Variants in ADAM10 observed in about 807,000 individuals in gnomAD.
ADAM10 encodes the protein ADAM metallopeptidase domain 10.
A neutral mutation model predicts 90.1 loss-of-function variants in ADAM10; 17 were observed. That is an observed-to-expected ratio of 0.19 (90% confidence interval 0.13 to 0.28). ADAM10 has a LOEUF of 0.28. Among genes scored for constraint, ADAM10 ranks in the 10% least tolerant of loss-of-function variants. ADAM10 has a pLI of 1.00. For missense variants in ADAM10, 610 were observed against 914.3 expected (o/e 0.67, Z 4.29); for synonymous variants, 310 against 298.6 (o/e 1.04, Z -0.40).
chr15:58,743,503 A>G (rs1320028813), intron 1 of ADAM10, among the ~76,000 whole-genome samples: 1 of 152,244 alleles, frequency 6.6e-6, no homozygotes, highest in Non-Finnish European at 1.5e-5. Context: ...AAAAATCACC[A>G]AAATGGTAAC....
chr15:58,749,592 T>C lies in ADAM10; in HGVS notation c.-58A>G, dbSNP rs1899914430. The stretch of plus-strand genomic sequence containing the variant: ...TCACGGGTTAACAGCAGCACATCGA[T>C]CCGGAGGGAGAAGCTGAAGGGGCTT... On this transcript the variant is annotated 5_prime_UTR_variant, in exon 1 of 16. Coordinates refer to ENST00000260408, the MANE Select transcript of ADAM10 (RefSeq NM_001110.4). 1.3e-6 allele frequency: 2 copies of C among 1,547,182 alleles called. No homozygotes were observed. The highest frequency in any genetic ancestry group is 1.4e-5 in the African/African-American group (1 of 72,670).
intron 1 of ADAM10, among the ~76,000 whole-genome samples, chr15:58,744,473 C>T (rs1375087153): frequency 6.6e-6 from 1 of 152,030 alleles, no homozygotes; most frequent in Non-Finnish European, 1.5e-5. Flanking sequence ...GGAAATATTG[C>T]TACAACTAGA....
chr15:58,603,602 G>A (rs1347791416), intron 14 of ADAM10, among the ~76,000 whole-genome samples: 1 of 151,832 alleles, frequency 6.6e-6, no homozygotes, highest in South Asian at 2.1e-4. Context: ...ATGAAAATAT[G>A]GCCATCAGTG....
intron 1 of ADAM10, among the ~76,000 whole-genome samples, chr15:58,718,609 C>T (rs1898741395): frequency 6.6e-6 from 1 of 152,142 alleles, no homozygotes; most frequent in Admixed American, 6.5e-5. Context: ...CCCAATGCTC[C>T]ATGAACTGAG....
At chr15:58,622,222 T>C (rs1218063250) in intron 10 of ADAM10, among the ~76,000 whole-genome samples, 2 of 152,190 alleles carry the variant, frequency 1.3e-5, no homozygotes, top group Admixed American at 6.5e-5. Flanking sequence ...AGTTTTTTTC[T>C]TATTTAAACC....
chr15:58,678,817 A>G (rs1596059390), intron 4 of ADAM10, among the ~76,000 whole-genome samples: 1 of 152,246 alleles, frequency 6.6e-6, no homozygotes, highest in Admixed American at 6.5e-5. Flanking sequence ...CAAAGGTATT[A>G]GCATTACACA....
intron 2 of ADAM10, chr15:58,698,330 G>C (rs1264496315): frequency 4.6e-6 from 2 of 439,520 alleles, no homozygotes; most frequent in South Asian, 3.2e-5. Flanking sequence ...CCAGCACTGT[G>C]GGAGGCTGAG....
chr15:58,695,688 AAAG>A (rs1379324169), intron 2 of ADAM10, among the ~76,000 whole-genome samples: 1 of 152,170 alleles, frequency 6.6e-6, no homozygotes, highest in East Asian at 1.9e-4. Context: ...TCTAAAAAAA[AAAG>A]AACGAACATT....
chr15:58,642,140 C>A (rs1014476250), intron 7 of ADAM10, among the ~76,000 whole-genome samples: 1 of 152,142 alleles, frequency 6.6e-6, no homozygotes, highest in Non-Finnish European at 1.5e-5. Context: ...AATGAAATTT[C>A]CTAGTAATTC....
rs1340849758 is a variant in ADAM10 at position 58,611,015 on chromosome 15, T to C, written c.1788A>G (p.Val596=). Residue 596 remains valine (V), a synonymous_variant, in exon 13 of 16, where the codon GTA becomes GTG. Coordinates refer to ENST00000260408, the MANE Select transcript of ADAM10 (RefSeq NM_001110.4). ...DGKDDKELCH[V]CCMKKMDPST... is the part of the protein sequence containing the mutation. ...AAGCCTTACTTTTCTTCATACAGCATACATGGCATAATTCTTTATCATCTT... is the reference window on the plus strand; with the variant it reads ...AAGCCTTACTTTTCTTCATACAGCACACATGGCATAATTCTTTATCATCTT... 1.9e-6 allele frequency: 3 copies of C among 1,613,010 alleles called. No homozygotes were observed. Among genetic ancestry groups the C allele is most frequent in the Non-Finnish European group, 2.5e-6 (3 of 1,178,976 alleles).
intron 1 of ADAM10, among the ~76,000 whole-genome samples, chr15:58,721,369 G>C (rs1898846034): frequency 6.6e-6 from 1 of 152,106 alleles, no homozygotes; most frequent in African/African-American, 2.4e-5. Flanking sequence ...TTCTATATAA[G>C]ACCTATGAAT....
chr15:58,638,768 A>G (rs375292803), intron 8 of ADAM10, among the ~76,000 whole-genome samples: 4 of 152,264 alleles, frequency 2.6e-5, no homozygotes, highest in South Asian at 2.1e-4. Flanking sequence ...CCAAAAACCC[A>G]TAACTACAGT....
At chr15:58,679,059 T>C in intron 4 of ADAM10, 65 bp downstream of exon 4, 1 of 1,472,156 alleles carries the variant, frequency 6.8e-7, no homozygotes, top group Non-Finnish European at 9.4e-7. Flanking sequence ...TTCATTTGTC[T>C]CCACACAGTT....
chr15:58,610,473 T>G lies in ADAM10; in HGVS notation c.1849A>C (p.Arg617=), dbSNP rs1468495029. 1.9e-6 allele frequency: 3 copies of G among 1,614,176 alleles called. No homozygotes were observed. Among genetic ancestry groups the G allele is most frequent in the Non-Finnish European group, 2.5e-6 (3 of 1,180,030 alleles). Residue 617 remains arginine, a synonymous_variant, in exon 14 of 16, where the codon AGG becomes CGG. Coordinates refer to ENST00000260408, the MANE Select transcript of ADAM10 (RefSeq NM_001110.4). The part of the protein sequence containing the change: ...CASTGSVQWS[R]HFSGRTITLQ... ...GTGATGGTTCGACCACTGAAGTGCC[T>G]ACTCCACTGCACAGACCCTGTACTG...
chr15:58,710,492 A>T (rs1466402638), intron 2 of ADAM10, among the ~76,000 whole-genome samples: 2 of 152,196 alleles, frequency 1.3e-5, no homozygotes, highest in African/African-American at 2.4e-5. Context: ...ATTTCTTTAC[A>T]AACAGCTTTC....
chr15:58,706,731 C>A (rs1898300470), intron 2 of ADAM10, among the ~76,000 whole-genome samples: 1 of 152,056 alleles, frequency 6.6e-6, no homozygotes, highest in African/African-American at 2.4e-5. Context: ...TAGGGCTCGG[C>A]CAGGTACGGT....
intron 13 of ADAM10, 141 bp from the exon 14 acceptor site, chr15:58,610,658 G>C (rs1249762515): frequency 5.5e-5 from 46 of 835,072 alleles, no homozygotes; most frequent in Non-Finnish European, 9.1e-5. Context: ...TCTCTAGTTA[G>C]GCTGGGTAAC....
At chr15:58,689,341 C>T (rs1381296078) in intron 2 of ADAM10, among the ~76,000 whole-genome samples, 1 of 152,038 alleles carries the variant, frequency 6.6e-6, no homozygotes, top group Non-Finnish European at 1.5e-5. Context: ...AAAAAATTAG[C>T]CGGGCATGGT....
chr15:58,704,279 G>C (rs879739599), intron 2 of ADAM10: 1 of 152,236 alleles, frequency 6.6e-6, no homozygotes, highest in Non-Finnish European at 1.5e-5. Flanking sequence ...GGGACAGATA[G>C]TAGAATAGTT....
Sources: allele counts gnomAD v4.1 joint callset (sites outside exome capture counted in the v4.1 genomes callset), GRCh38; gene constraint gnomAD v4.1.1; transcripts MANE v1.5; gene names NCBI Gene and HGNC (gene_info 2026-07-23, HGNC 2026-07-21).